The following ADAMTS17 variants were observed in gnomAD, a reference collection of about 807,000 sequenced individuals.
ADAMTS17 encodes A disintegrin and metalloproteinase with thrombospondin motifs 17.
ADAMTS17 carries 113 observed loss-of-function variants against 141.5 expected under a neutral mutation model. That is an observed-to-expected ratio of 0.80 (90% CI 0.69 to 0.93). ADAMTS17 has a LOEUF of 0.93. Among genes scored for constraint, ADAMTS17 ranks in the 40% least tolerant of loss-of-function variants. ADAMTS17 has a pLI of 0.00. For missense variants in ADAMTS17, 1,659 were observed against 1,517.9 expected, an observed-to-expected ratio of 1.09 and a Z score of -1.54; for synonymous variants, 768 against 630.6, an observed-to-expected ratio of 1.22 and a Z score of -3.27.
chr15:100,056,020 T>G (rs1262185972), intron 15 of ADAMTS17, among the ~76,000 whole-genome samples: 1 of 152,226 alleles, frequency 6.6e-6, no homozygotes, highest in African/African-American at 2.4e-5. Context: ...GTCTAGATTT[T>G]ATGACTAATG....
intron 12 of ADAMTS17, among the ~76,000 whole-genome samples, chr15:100,124,482 G>A (rs570230526): frequency 6.7e-4 from 102 of 152,300 alleles, no homozygotes; most frequent in Middle Eastern, 3.4e-3. Flanking sequence ...CAACACCGGT[G>A]TCAGTGAGGA....
chr15:100,109,150 G>A, intron 13 of ADAMTS17, 34 bp from the exon 14 acceptor site: 1 of 1,584,674 alleles, frequency 6.3e-7, no homozygotes, highest in Non-Finnish European at 8.6e-7. Context: ...CGTTGACACG[G>A]GAAGGTGTGC....
intron 6 of ADAMTS17, among the ~76,000 whole-genome samples, chr15:100,255,376 A>G (rs1267844091): frequency 6.6e-6 from 1 of 151,902 alleles, no homozygotes; most frequent in African/African-American, 2.4e-5. Context: ...TCATAACCTC[A>G]CTCCAAAACC....
At chr15:100,340,878 G>T (rs767319341) in intron 2 of ADAMTS17, 161 bp downstream of exon 2, 9 of 1,153,304 alleles carry the variant, frequency 7.8e-6, no homozygotes, top group Non-Finnish European at 1.1e-5. Context: ...GGTACCGAAG[G>T]CCGGGGTGGG....
intron 7 of ADAMTS17, among the ~76,000 whole-genome samples, chr15:100,223,935 G>T (rs1048474635): frequency 4.6e-5 from 7 of 152,248 alleles, no homozygotes; most frequent in African/African-American, 1.7e-4. Flanking sequence ...TCCCGAAGCT[G>T]AAGAACTTGG....
At chr15:100,000,449 G>A (rs558161059) in intron 18 of ADAMTS17, among the ~76,000 whole-genome samples, 1 of 152,170 alleles carries the variant, frequency 6.6e-6, no homozygotes, top group Non-Finnish European at 1.5e-5. Context: ...GATGTGGCCT[G>A]GAAGCAGCAA....
At chr15:99,995,408 C>T (rs2060781194) in intron 19 of ADAMTS17, among the ~76,000 whole-genome samples, 2 of 152,230 alleles carry the variant, frequency 1.3e-5, no homozygotes, top group Admixed American at 6.5e-5. Flanking sequence ...ACCAGCAACC[C>T]ATTCTCCTGA....
chr15:100,324,865 CA>C (rs146687217), intron 3 of ADAMTS17, among the ~76,000 whole-genome samples: 1,767 of 152,294 alleles, frequency 0.012, 20 homozygotes, highest in Middle Eastern at 0.031. Context: ...ATTTAATACT[CA>C]CAAAAGCCCT....
chr15:100,093,401 C>A (rs2035583454), intron 15 of ADAMTS17, among the ~76,000 whole-genome samples: 1 of 152,050 alleles, frequency 6.6e-6, no homozygotes, highest in African/African-American at 2.4e-5. Context: ...TTGATATTCA[C>A]CGTTAAGGGT....
intron 15 of ADAMTS17, among the ~76,000 whole-genome samples, chr15:100,091,889 C>G (rs1222637473): frequency 1.3e-5 from 2 of 152,086 alleles, no homozygotes; most frequent in Non-Finnish European, 2.9e-5. Flanking sequence ...TCTTACGTTT[C>G]TCCCTAATGG....
Position 100,341,057 on chromosome 15 carries a change from G to A in ADAMTS17, c.432C>T (p.Cys144=). 1 of 1,522,282 alleles carries A rather than the reference G, an allele frequency of 6.6e-7. No homozygotes were observed. Among genetic ancestry groups the A allele is most frequent in the Non-Finnish European group, 8.8e-7 (1 of 1,139,818 alleles). 94.3% of individuals were successfully genotyped at this position (1,522,282 alleles called of 1,614,324 possible). A position where few individuals can be genotyped will look rare whatever the true frequency, so the allele number is the denominator to read the frequency against. Residue 144 remains cysteine (C), a synonymous_variant, in exon 2 of 22, where the codon TGC becomes TGT. Coordinates refer to ENST00000268070, the MANE Select transcript of ADAMTS17 (RefSeq NM_139057.4). ...GCAGTACCAGGCCGCCGGCGGCGCC[G>A]CAGGCGCTGAGCGAGACGAGGGAGC... The part of the protein sequence containing the change: ...HPGSLVSLSA[C]GAAGGLVGLI...
chr15:100,150,076 C>T (rs528641914), intron 10 of ADAMTS17, among the ~76,000 whole-genome samples: 2 of 152,120 alleles, frequency 1.3e-5, no homozygotes, highest in Non-Finnish European at 2.9e-5. Flanking sequence ...GTGAAACTCT[C>T]GAGGCAAAAG....
intron 18 of ADAMTS17, among the ~76,000 whole-genome samples, chr15:100,047,074 A>C (rs564861590): frequency 1.3e-5 from 2 of 152,032 alleles, no homozygotes; most frequent in Admixed American, 6.6e-5. Context: ...GGCCTCTAAA[A>C]TGGCCCCCCT....
At position 100,152,618 on chromosome 15, in the gene ADAMTS17, G is replaced by A. The variant is rs1478036023; in HGVS notation, c.1467C>T (p.Asn489=). ...CCCTCCCACGGCTGCTTACCTCCAT[G>A]TTTCTGCAGAAGGTGGCATTCATGC... ...LFGMNATFCR[N]MEHLMCAGLW... The change falls in exon 10 of 22, where the codon AAC becomes AAT. Residue 489 remains asparagine (N), a synonymous_variant. Transcript: ENST00000268070. 1 of 1,613,862 alleles carries A rather than the reference G, an allele frequency of 6.2e-7. No individual in the cohort carries two copies. Among genetic ancestry groups the A allele is most frequent in the South Asian group, 1.1e-5 (1 of 91,080 alleles).
chr15:100,122,153 G>C (rs749484732), intron 12 of ADAMTS17, among the ~76,000 whole-genome samples: 2 of 152,174 alleles, frequency 1.3e-5, no homozygotes, highest in Non-Finnish European at 2.9e-5. Flanking sequence ...TGGGTGCTCT[G>C]CCTCAGACCT....
chr15:100,185,249 C>T (rs1466966817), intron 8 of ADAMTS17, among the ~76,000 whole-genome samples: 1 of 152,168 alleles, frequency 6.6e-6, no homozygotes, highest in East Asian at 1.9e-4. Context: ...ACAGGAATTA[C>T]CCCATGGAGT....
intron 18 of ADAMTS17, among the ~76,000 whole-genome samples, chr15:100,005,358 A>C (rs1460262223): frequency 2.0e-5 from 3 of 152,150 alleles, no homozygotes; most frequent in African/African-American, 7.2e-5. Context: ...ATCTAAAACC[A>C]GGGTGCTGAG....
intron 12 of ADAMTS17, among the ~76,000 whole-genome samples, chr15:100,119,647 A>G (rs2037351291): frequency 6.6e-6 from 1 of 152,230 alleles, no homozygotes; most frequent in Admixed American, 6.5e-5. Context: ...ATGATGTGAT[A>G]TGATGTAAGA....
At chr15:100,298,153 G>A (rs1013629547) in intron 3 of ADAMTS17, among the ~76,000 whole-genome samples, 2 of 152,170 alleles carry the variant, frequency 1.3e-5, no homozygotes, top group African/African-American at 2.4e-5. Flanking sequence ...GGAGAAGTCT[G>A]GGGAGGAGAG....
Sources: gnomAD v4.1 joint callset for allele counts (sites outside exome capture counted in the v4.1 genomes callset) on GRCh38, gnomAD v4.1.1 for gene constraint, MANE v1.5 for transcripts, NCBI Gene and HGNC (gene_info 2026-07-23, HGNC 2026-07-21) for gene names.